IFNLR1: variants seen among roughly 807,000 people sequenced by gnomAD.
The protein encoded by IFNLR1 is CRF2-12.
Under a neutral mutation model 52.5 loss-of-function variants are expected in IFNLR1, and 28 were observed. The ratio of observed to expected loss-of-function variants is 0.53; its 90% CI spans 0.40 to 0.73. The LOEUF is 0.73. Among genes scored for constraint, IFNLR1 ranks in the 30% least tolerant of loss-of-function variants. IFNLR1 has a pLI of 0.00. For synonymous variants in IFNLR1, 276 were observed against 274.9 expected (o/e 1.00, Z -0.04); for missense variants, 623 against 659.1 (o/e 0.95, Z 0.60).
rs746977640 is a variant in IFNLR1, at chr1:24,157,834, C to T, written c.859G>A (p.Val287Met). The change falls in exon 7 of 7, where the codon GTG becomes ATG. Residue 287 changes from valine (V) to methionine (M), a missense_variant. Physicochemically the swap from Val to Met is conservative, Grantham distance 21 (BLOSUM62 1). Coordinates refer to ENST00000327535, the MANE Select transcript of IFNLR1 (RefSeq NM_170743.4). The surrounding 1 kb of genome is among the most constrained non-coding windows in gnomAD (Gnocchi z 5.1). The part of the protein sequence containing the change: ...ATFQPSRPES[V>M]NDLFLCPQKE... ...TGGGGACAGAGGAACAAGTCATTCA[C>T]GGACTCTGGTCTGCTGGGCTGAAAG... The T allele has an allele frequency of 3.0e-5, 49 of 1,613,032 alleles. No homozygotes were observed. Among genetic ancestry groups the T allele is most frequent in the Middle Eastern group, 1.6e-4 (1 of 6,078 alleles).
At chr1:24,163,126 A>G (rs1211514353) in intron 3 of IFNLR1, among the ~76,000 whole-genome samples, 3 of 151,098 alleles carry the variant, frequency 2.0e-5, no homozygotes, top group Non-Finnish European at 4.4e-5. Context: ...ACTCCCGGAC[A>G]CTTTTTGTAT....
At chr1:24,159,029 G>T in intron 6 of IFNLR1, 23 bp downstream of exon 6, 1 of 1,608,958 alleles carries the variant, frequency 6.2e-7, no homozygotes. Context: ...CCCACCTGCT[G>T]CACACCCCCA....
At position 24,161,630 on chromosome 1, in the gene IFNLR1, G is replaced by A. The variant is rs1644444350; in HGVS notation, c.422C>T (p.Ala141Val). Residue 141 changes from alanine (A) to valine (V), a missense_variant, in exon 4 of 7, where the codon GCC (alanine) becomes GTC (valine). By Grantham distance (64) the Ala-to-Val change is moderately conservative. Coordinates refer to ENST00000327535, the MANE Select transcript of IFNLR1 (RefSeq NM_170743.4). ...GGGGGGCAGCTGGTACGTGGCATTG[G>A]CACTCAGGATCTCCTCCGTCTGGGT... ...VLTQTEEILS[A>V]NATYQLPPCM... The A allele has an allele frequency of 1.9e-6, 3 of 1,547,890 alleles. No homozygotes were observed. The highest frequency in any genetic ancestry group is 2.7e-5 in the African/African-American group (2 of 73,396).
At chr1:24,166,719 T>A (rs11249016) in intron 3 of IFNLR1, among the ~76,000 whole-genome samples, 114,992 of 141,264 alleles carry the variant, frequency 0.81, 44,364 homozygotes, top group African/African-American at 0.84. Context: ...GCGAATTTAA[T>A]TTTTTTTTTT....
At chr1:24,185,033 AAATAAT>A (rs146145657) in intron 1 of IFNLR1, among the ~76,000 whole-genome samples, 1 of 151,828 alleles carries the variant, frequency 6.6e-6, no homozygotes, top group Non-Finnish European at 1.5e-5. Context: ...TAAATAAATA[AAATAAT>A]AATAATAATA....
intron 2 of IFNLR1, among the ~76,000 whole-genome samples, chr1:24,169,959 C>T (rs760542005): frequency 2.6e-5 from 4 of 152,164 alleles, no homozygotes; most frequent in African/African-American, 4.8e-5. Flanking sequence ...TTCATTCAGG[C>T]GTTTATGGGC....
rs1644399400 is a variant in IFNLR1, at chr1:24,157,812, G to A, written c.881C>T (p.Pro294Leu). 6.2e-7 allele frequency: 1 copy of A among 1,613,844 alleles called. No homozygotes were observed. The highest frequency in any genetic ancestry group is 1.7e-5 in the Admixed American group (1 of 59,950). Reference sequence around the variant, plus strand: ...GACCCCTCTGGTCAGTTCCTTTTGGGGACAGAGGAACAAGTCATTCACGGA... The same window carrying A: ...GACCCCTCTGGTCAGTTCCTTTTGGAGACAGAGGAACAAGTCATTCACGGA... Reference protein sequence around the residue: ...PESVNDLFLCPQKELTRGVRP... With the variant: ...PESVNDLFLCLQKELTRGVRP... The change falls in exon 7 of 7, where the codon CCC becomes CTC. Residue 294 changes from proline (P) to leucine (L), a missense_variant. By Grantham distance (98) the Pro-to-Leu change is moderately conservative (BLOSUM62 -3). Coordinates refer to ENST00000327535, the MANE Select transcript of IFNLR1 (RefSeq NM_170743.4). This position sits in a 1 kb window ranked among gnomAD's most constrained non-coding sequence, Gnocchi z 5.1.
At chr1:24,185,033 AAAT>A (rs146145657) in intron 1 of IFNLR1, among the ~76,000 whole-genome samples, 4 of 151,824 alleles carry the variant, frequency 2.6e-5, no homozygotes, top group Admixed American at 6.6e-5. Context: ...TAAATAAATA[AAAT>A]AATAATAATA....
chr1:24,161,569 T>A lies in IFNLR1; in HGVS notation c.483A>T (p.Ala161=). 1 of 1,555,990 alleles carries A rather than the reference T, an allele frequency of 6.4e-7. No homozygotes were observed. Among genetic ancestry groups the A allele is most frequent in the South Asian group, 1.2e-5 (1 of 84,402 alleles). The change falls in exon 4 of 7, where the codon GCA becomes GCT. Residue 161 remains alanine (A), a synonymous_variant. Transcript: ENST00000327535. ...TGTTTCCGGCCCCCTCCTTCCAGAA[T>A]GCCACCTCATACTTCAGATCCAGTG... ...MPPLDLKYEV[A]FWKEGAGNKT... is the part of the protein sequence containing the mutation.
chr1:24,181,568 G>T (rs1399705569), intron 1 of IFNLR1, among the ~76,000 whole-genome samples: 1 of 152,126 alleles, frequency 6.6e-6, no homozygotes, highest in Non-Finnish European at 1.5e-5. Flanking sequence ...CTTCATTCCC[G>T]CTTCATGTAG....
chr1:24,159,654 G>A (rs1006253397), intron 4 of IFNLR1, 21 bp from the exon 5 acceptor site: 3 of 1,612,636 alleles, frequency 1.9e-6, no homozygotes, highest in Non-Finnish European at 2.5e-6. Flanking sequence ...AAGAAGCAGA[G>A]AGTGGCAGAG....
chr1:24,157,946 T>C lies in IFNLR1; in HGVS notation c.802-55A>G, dbSNP rs918512754. ...AAATTTAGGCTTTCCTGAAGCATAA[T>C]TATCATCATCTGAATTCCCCTAGAA... On this transcript the variant is annotated intron_variant, in intron 6 of 6. Transcript: ENST00000327535. The surrounding 1 kb of genome is among the most constrained non-coding windows in gnomAD (Gnocchi z 5.1). 6.8e-7 allele frequency: 1 copy of C among 1,464,228 alleles called. No individual in the cohort carries two copies. Among genetic ancestry groups the C allele is most frequent in the African/African-American group, 1.4e-5 (1 of 70,570 alleles). 90.7% of individuals were successfully genotyped at this position (1,464,228 alleles called of 1,614,324 possible).
In IFNLR1 at chr1:24,162,843, C is replaced by CT. The variant is rs1388883831; in HGVS notation, c.368-1160dup. Among the ~76,000 whole-genome samples the CT allele has an allele frequency of 4.7e-4, 26 of 55,550 alleles. 2 individuals are homozygous for CT. Among genetic ancestry groups the CT allele is most frequent in the African/African-American group, 1.8e-3 (23 of 12,672 alleles). The allele number at this position is 55,550 out of a possible 152,430, so 36.4% of individuals were successfully genotyped here. A position where few individuals can be genotyped will look rare whatever the true frequency, so the allele number is the denominator to read the frequency against. ...TCTTCTTTCTTTCTTTTCTTTCTTT[C>CT]TTTCTTTCTTTCTTTCTTTCTTTCT... On this transcript the variant is annotated intron_variant, in intron 3 of 6. Transcript: ENST00000327535.
At chr1:24,162,892 C>T (rs191117529) in intron 3 of IFNLR1, among the ~76,000 whole-genome samples, 607 of 51,812 alleles carry the variant, frequency 0.012, 49 homozygotes, top group East Asian at 0.04. Flanking sequence ...TCCTTCCTTC[C>T]TTCCTTCCTT....
Position 24,157,080 on chromosome 1 carries a change from C to T in IFNLR1, c.*50G>A. 3.2e-6 allele frequency: 5 copies of T among 1,555,206 alleles called. No homozygotes were observed. The highest frequency in any genetic ancestry group is 3.5e-6 in the Non-Finnish European group (4 of 1,152,460). On this transcript the variant is annotated 3_prime_UTR_variant, in exon 7 of 7. Coordinates refer to ENST00000327535, the MANE Select transcript of IFNLR1 (RefSeq NM_170743.4). This position sits in a 1 kb window ranked among gnomAD's most constrained non-coding sequence, Gnocchi z 5.1. ...GAGTTTCTTGGGAAGCCCAGTAGTC[C>T]TTGCAAAGGCAGCAGCAGCATCAGA...
At position 24,157,569 on chromosome 1, in the gene IFNLR1, A is replaced by G. The variant is rs1167374858; in HGVS notation, c.1124T>C (p.Val375Ala). Residue 375 changes from valine to alanine, a missense_variant, in exon 7 of 7, where the codon GTC (valine) becomes GCC (alanine). Val to Ala is a moderately conservative substitution (Grantham distance 64, BLOSUM62 0). Transcript: ENST00000327535. The surrounding 1 kb of genome is among the most constrained non-coding windows in gnomAD (Gnocchi z 5.1). Reference protein sequence around the residue: ...VDSGRPRAPLVPSEGSSAWDS... With the variant: ...VDSGRPRAPLAPSEGSSAWDS... The stretch of plus-strand genomic sequence containing the variant: ...CCAAGCAGAGGAGCCTTCGCTTGGG[A>G]CCAGAGGAGCCCTGGGCCTCCCTGA... The G allele has an allele frequency of 1.2e-5, 20 of 1,611,920 alleles. No homozygotes were observed. The highest frequency in any genetic ancestry group is 1.6e-5 in the Non-Finnish European group (19 of 1,179,124).
chr1:24,174,002 C>T (rs1173806867), intron 2 of IFNLR1, among the ~76,000 whole-genome samples: 1 of 152,044 alleles, frequency 6.6e-6, no homozygotes, highest in Admixed American at 6.6e-5. Flanking sequence ...TGTTGAAGAC[C>T]TCATCCCCAG....
intron 2 of IFNLR1, among the ~76,000 whole-genome samples, chr1:24,174,514 C>T (rs1156299382): frequency 2.0e-5 from 3 of 152,016 alleles, no homozygotes; most frequent in Non-Finnish European, 4.4e-5. Flanking sequence ...GGTGAGGTCT[C>T]AGGTGGAAAA....
intron 3 of IFNLR1, among the ~76,000 whole-genome samples, chr1:24,164,994 C>T (rs1039862230): frequency 2.1e-4 from 32 of 152,152 alleles, no homozygotes; most frequent in Admixed American, 1.8e-3. Flanking sequence ...AACTCCTGAC[C>T]TCAGGTGATC....
Sources: gnomAD v4.1 joint callset for allele counts (sites outside exome capture counted in the v4.1 genomes callset) on GRCh38, gnomAD v4.1.1 for gene constraint, Gnocchi (gnomAD v3.1) non-coding constraint, MANE v1.5 for transcripts, NCBI Gene and HGNC (gene_info 2026-07-23, HGNC 2026-07-21) for gene names.